The following KIRREL3 variants were observed in gnomAD, a reference collection of about 807,000 sequenced individuals.
The protein encoded by KIRREL3 is kin of IRRE-like protein 3.
Under a neutral mutation model 89.7 loss-of-function variants are expected in KIRREL3, and 36 were observed. The ratio of observed to expected loss-of-function variants is 0.40; its 90% CI spans 0.31 to 0.53. The LOEUF (loss-of-function observed/expected upper bound fraction) is 0.53. Among genes scored for constraint, KIRREL3 ranks in the 20% least tolerant of loss-of-function variants. KIRREL3 has a pLI of 0.49. For missense variants in KIRREL3, 864 were observed against 1,056.6 expected, an observed-to-expected ratio of 0.82 and a Z score of 2.53; for synonymous variants, 445 against 441.4, an observed-to-expected ratio of 1.01 and a Z score of -0.10.
At chr11:126,573,068 T>C (rs890004050) in intron 1 of KIRREL3, among the ~76,000 whole-genome samples, 6 of 151,778 alleles carry the variant, frequency 4.0e-5, no homozygotes, top group African/African-American at 1.5e-4. Flanking sequence ...GGGGTGGAGA[T>C]GTGTGGGCTA....
At chr11:126,690,149 C>T (rs968127226) in intron 1 of KIRREL3, among the ~76,000 whole-genome samples, 3 of 152,194 alleles carry the variant, frequency 2.0e-5, no homozygotes, top group Non-Finnish European at 4.4e-5. Context: ...AATGGGACCT[C>T]TCCTGGCTTT....
At position 126,870,810 on chromosome 11, in the gene KIRREL3, C is replaced by T. The variant is rs1376592150; in HGVS notation, c.55+129645G>A. Among the ~76,000 whole-genome samples, 1 of 152,144 alleles carries T rather than the reference C, an allele frequency of 6.6e-6. No homozygotes were observed. The highest frequency in any genetic ancestry group is 1.5e-5 in the Non-Finnish European group (1 of 68,018). On this transcript the variant is annotated intron_variant, in intron 1 of 16. Transcript: ENST00000525144. This position sits in a 1 kb window ranked among gnomAD's most constrained non-coding sequence, Gnocchi z 4.4. ...GCCCCTCCCCACTTCCAGTGTAGTTCCTGCACTGCCCCTCCCCACTTCCAG... is the reference window on the plus strand; with the variant it reads ...GCCCCTCCCCACTTCCAGTGTAGTTTCTGCACTGCCCCTCCCCACTTCCAG...
chr11:126,556,795 G>T (rs1565548518), intron 2 of KIRREL3, among the ~76,000 whole-genome samples: 1 of 152,162 alleles, frequency 6.6e-6, no homozygotes, highest in Non-Finnish European at 1.5e-5. Flanking sequence ...GAAACGGCAG[G>T]TCTCTTGTTC....
Position 126,918,074 on chromosome 11 carries a change from T to C in KIRREL3, c.55+82381A>G, listed in dbSNP as rs769573098. Among the ~76,000 whole-genome samples the C allele has an allele frequency of 1.3e-5, 2 of 152,104 alleles. No individual in the cohort carries two copies. Among genetic ancestry groups the C allele is most frequent in the Non-Finnish European group, 2.9e-5 (2 of 68,028 alleles). On this transcript the variant is annotated intron_variant, in intron 1 of 16. Transcript: ENST00000525144. The surrounding 1 kb of genome is among the most constrained non-coding windows in gnomAD (Gnocchi z 6.5). ...TTGTGCATTCTCAGAAATACGAGAT[T>C]GGCCCATAATGATATGCATGCCTCT... is the stretch of plus-strand genomic sequence containing the variant.
At chr11:126,964,272 T>C (rs1233150937) in intron 1 of KIRREL3, among the ~76,000 whole-genome samples, 1 of 152,204 alleles carries the variant, frequency 6.6e-6, no homozygotes, top group East Asian at 1.9e-4. Flanking sequence ...AACACATCTG[T>C]TCCATCATGA....
chr11:126,901,399 G>T (rs1430224009), intron 1 of KIRREL3, among the ~76,000 whole-genome samples: 1 of 152,154 alleles, frequency 6.6e-6, no homozygotes, highest in Non-Finnish European at 1.5e-5. Flanking sequence ...GGGGAGCAGG[G>T]GGTTTCTTGG....
chr11:126,770,064 G>A (rs1416428708), intron 1 of KIRREL3, among the ~76,000 whole-genome samples: 2 of 151,942 alleles, frequency 1.3e-5, no homozygotes, highest in Non-Finnish European at 2.9e-5. Context: ...CTTTTCTCCC[G>A]CAATTCCAAG....
At position 126,520,248 on chromosome 11, in the gene KIRREL3, G is replaced by T. The variant is rs753907735; in HGVS notation, c.433+1067C>A. On this transcript the variant is annotated intron_variant, in intron 4 of 16. Coordinates refer to ENST00000525144, the MANE Select transcript of KIRREL3 (RefSeq NM_032531.4). The surrounding 1 kb of genome is among the most constrained non-coding windows in gnomAD (Gnocchi z 4.9). Reference sequence around the variant, plus strand: ...CACCCCAGCTGCTGACCCTGTTGTCGAACCTTCACAACAGCTGCTAAGGGG... The same window carrying T: ...CACCCCAGCTGCTGACCCTGTTGTCTAACCTTCACAACAGCTGCTAAGGGG... Among the ~76,000 whole-genome samples the T allele has an allele frequency of 6.6e-6, 1 of 152,174 alleles. No individual in the cohort carries two copies. Among genetic ancestry groups the T allele is most frequent in the Non-Finnish European group, 1.5e-5 (1 of 68,028 alleles).
rs1945342347 is a variant in KIRREL3 at position 126,877,709 on chromosome 11, A to G, written c.55+122746T>C. On this transcript the variant is annotated intron_variant, in intron 1 of 16. Coordinates refer to ENST00000525144, the MANE Select transcript of KIRREL3 (RefSeq NM_032531.4). This position sits in a 1 kb window ranked among gnomAD's most constrained non-coding sequence, Gnocchi z 4.9. ...ATAATTTTGAACAGGGAGAGAACTT[A>G]GTTGAATTGTAACTAAAATAATTCT... 6.6e-6 allele frequency among the ~76,000 whole-genome samples: 1 copy of G among 152,228 alleles called. No homozygotes were observed. Among genetic ancestry groups the G allele is most frequent in the Admixed American group, 6.5e-5 (1 of 15,288 alleles).
chr11:126,466,840 C>A (rs1225452422), intron 5 of KIRREL3, among the ~76,000 whole-genome samples: 3 of 152,208 alleles, frequency 2.0e-5, no homozygotes, highest in Non-Finnish European at 4.4e-5. Flanking sequence ...AAGCTTCATG[C>A]CTTGCAGGTG....
intron 1 of KIRREL3, among the ~76,000 whole-genome samples, chr11:126,698,497 G>A (rs1471223497): frequency 6.6e-6 from 1 of 152,212 alleles, no homozygotes; most frequent in Non-Finnish European, 1.5e-5. Context: ...GAGACGACAG[G>A]TCAGGGGCTG....
rs191742521 is a variant in KIRREL3, at chr11:126,486,081, G to A, written c.434-12615C>T. Among the ~76,000 whole-genome samples the A allele has an allele frequency of 5.4e-4, 82 of 152,360 alleles. No homozygotes were observed. The highest frequency in any genetic ancestry group is 9.4e-4 in the Non-Finnish European group (64 of 68,038). On this transcript the variant is annotated intron_variant, in intron 4 of 16. Coordinates refer to ENST00000525144, the MANE Select transcript of KIRREL3 (RefSeq NM_032531.4). The surrounding 1 kb of genome is among the most constrained non-coding windows in gnomAD (Gnocchi z 6.2). ...CAGAGCTACTTGTGAGGAGACAGAC[G>A]TTTCATTAATAATGAGTAGGGATGT...
intron 16 of KIRREL3, among the ~76,000 whole-genome samples, 193 bp from the exon 17 acceptor site, chr11:126,425,216 A>G (rs955373955): frequency 5.9e-5 from 9 of 152,310 alleles, no homozygotes; most frequent in Admixed American, 1.3e-4. Flanking sequence ...GACACTGAAC[A>G]GGAGATGGCA....
At chr11:126,499,051 C>T (rs11220524) in intron 4 of KIRREL3, among the ~76,000 whole-genome samples, 59,672 of 150,488 alleles carry the variant, frequency 0.4, 12,027 homozygotes, top group Non-Finnish European at 0.44. Flanking sequence ...TACTCGGAGG[C>T]AGAGGCATGA....
chr11:126,646,711 G>A (rs1944700578), intron 1 of KIRREL3, among the ~76,000 whole-genome samples: 2 of 152,106 alleles, frequency 1.3e-5, no homozygotes, highest in Non-Finnish European at 1.5e-5. Flanking sequence ...CTGACCTTGA[G>A]TGATTCACCC....
At position 126,565,998 on chromosome 11, in the gene KIRREL3, G is replaced by C. The variant is rs1233795031; in HGVS notation, c.56-3086C>G. On this transcript the variant is annotated intron_variant, in intron 1 of 16. Coordinates refer to ENST00000525144, the MANE Select transcript of KIRREL3 (RefSeq NM_032531.4). This position sits in a 1 kb window ranked among gnomAD's most constrained non-coding sequence, Gnocchi z 5.4. Reference sequence around the variant, plus strand: ...GTCACCTTCCTTGTCCCATAGCATGGAGATGAATGGGAGAGTCAGATCACA... The same window carrying C: ...GTCACCTTCCTTGTCCCATAGCATGCAGATGAATGGGAGAGTCAGATCACA... Among the ~76,000 whole-genome samples the C allele has an allele frequency of 6.6e-6, 1 of 152,236 alleles. No individual in the cohort carries two copies. The highest frequency in any genetic ancestry group is 1.9e-4 in the East Asian group (1 of 5,196).
intron 1 of KIRREL3, among the ~76,000 whole-genome samples, chr11:126,863,858 A>G (rs1035089987): frequency 8.5e-5 from 13 of 152,272 alleles, no homozygotes; most frequent in Admixed American, 5.2e-4. Flanking sequence ...TCCCGTGCCA[A>G]AGCTCACACA....
At position 126,446,825 on chromosome 11, in the gene KIRREL3, G is replaced by A; in HGVS notation, c.1059C>T (p.Ile353=). 6.2e-7 allele frequency: 1 copy of A among 1,602,362 alleles called. No homozygotes were observed. The highest frequency in any genetic ancestry group is 1.1e-5 in the South Asian group (1 of 88,470). ...GGTTGCCGGTCCAGGCGCAGCTGAA[G>A]ATGGCATCAGAGCCCAGATCCACGA... ...SLLVDLGSDA[I]FSCAWTGNPS... is the part of the protein sequence containing the mutation. Residue 353 remains isoleucine, a synonymous_variant, in exon 9 of 17, where the codon ATC becomes ATT. Coordinates refer to ENST00000525144, the MANE Select transcript of KIRREL3 (RefSeq NM_032531.4).
At position 126,990,308 on chromosome 11, in the gene KIRREL3, G is replaced by A. The variant is rs1397476770; in HGVS notation, c.55+10147C>T. On this transcript the variant is annotated intron_variant, in intron 1 of 16. Transcript: ENST00000525144. This position sits in a 1 kb window ranked among gnomAD's most constrained non-coding sequence, Gnocchi z 6.3. ...CTTAGCTGCTGCCACCCTTCATCCG[G>A]ATCCCCTCAAACACTCCACCCTCAC... Among the ~76,000 whole-genome samples the A allele has an allele frequency of 5.3e-4, 80 of 152,080 alleles. 1 individual carries two copies. The highest frequency in any genetic ancestry group is 1.0e-4 in the Non-Finnish European group (7 of 67,980).
Sources: allele counts gnomAD v4.1 joint callset (sites outside exome capture counted in the v4.1 genomes callset), GRCh38; gene constraint gnomAD v4.1.1; non-coding constraint Gnocchi (gnomAD v3.1); transcripts MANE v1.5; gene names NCBI Gene and HGNC (gene_info 2026-07-23, HGNC 2026-07-21).